The following PPP2R2B variants were observed in gnomAD, a reference collection of about 807,000 sequenced individuals.
The protein encoded by PPP2R2B is serine/threonine-protein phosphatase 2A 55 kDa regulatory subunit B beta isoform.
Under a neutral mutation model 46.0 loss-of-function variants are expected in PPP2R2B, and 5 were observed. The ratio of observed to expected loss-of-function variants is 0.11; its 90% CI spans 0.06 to 0.23. The LOEUF is 0.23. Among genes scored for constraint, PPP2R2B ranks in the 10% least tolerant of loss-of-function variants. PPP2R2B has a pLI of 1.00. For synonymous variants in PPP2R2B, 215 were observed against 206.7 expected (o/e 1.04, Z -0.34); for missense variants, 367 against 575.0 (o/e 0.64, Z 3.70).
chr5:146,693,386 T>G (rs1401318434), intron 4 of PPP2R2B, among the ~76,000 whole-genome samples: 1 of 152,090 alleles, frequency 6.6e-6, no homozygotes, highest in African/African-American at 2.4e-5. Context: ...AGAGAATTTT[T>G]CTATTTTTTA....
chr5:147,020,363 TGG>T (rs1755201932), intron 1 of PPP2R2B, among the ~76,000 whole-genome samples: 1 of 152,094 alleles, frequency 6.6e-6, no homozygotes, highest in African/African-American at 2.4e-5. Flanking sequence ...TGACTTTCAC[TGG>T]GGTAGGAAAC....
At chr5:147,009,864 T>TAC (rs201299020) in intron 1 of PPP2R2B, among the ~76,000 whole-genome samples, 6,060 of 136,592 alleles carry the variant, frequency 0.044, 164 homozygotes, top group South Asian at 0.11. Flanking sequence ...CACACACACA[T>TAC]ACACACACAC....
intron 2 of PPP2R2B, among the ~76,000 whole-genome samples, chr5:146,816,885 G>T (rs1204992270): frequency 6.6e-6 from 1 of 152,168 alleles, no homozygotes; most frequent in Non-Finnish European, 1.5e-5. Context: ...TAAAAAGACT[G>T]TCAGGTGATT....
chr5:146,731,685 T>C (rs983139822), intron 2 of PPP2R2B, among the ~76,000 whole-genome samples: 10 of 152,194 alleles, frequency 6.6e-5, no homozygotes, highest in South Asian at 4.1e-4. Flanking sequence ...AGAAAATCTT[T>C]CCACTTTTCA....
At chr5:146,796,547 A>C (rs766631340) in intron 2 of PPP2R2B, among the ~76,000 whole-genome samples, 4 of 152,312 alleles carry the variant, frequency 2.6e-5, no homozygotes, top group Non-Finnish European at 4.4e-5. Flanking sequence ...AAATAAGGCA[A>C]AATCTCTGAG....
chr5:146,834,117 TGTTA>T (rs1416682698), intron 2 of PPP2R2B, among the ~76,000 whole-genome samples: 44 of 152,318 alleles, frequency 2.9e-4, no homozygotes, highest in Non-Finnish European at 1.2e-4. Context: ...AAAGGATTCT[TGTTA>T]TTTATGATAA....
intron 5 of PPP2R2B, among the ~76,000 whole-genome samples, chr5:146,655,909 G>C (rs1776297062): frequency 7.2e-6 from 1 of 138,464 alleles, no homozygotes; most frequent in African/African-American, 2.6e-5. Flanking sequence ...GAGGTGGGGG[G>C]TAGGGAGGGG....
In PPP2R2B at chr5:146,789,720, T is replaced by C. The variant is rs1035897220; in HGVS notation, c.70+88282A>G. 2.6e-5 allele frequency among the ~76,000 whole-genome samples: 4 copies of C among 152,058 alleles called. No individual in the cohort carries two copies. The East Asian group carries it at 7.8e-4, about 29-fold the overall frequency. On this transcript the variant is annotated intron_variant, in intron 2 of 9. Transcript: ENST00000394411. ...GGAATAAAGAGGAGGTGGTATAAGA[T>C]AATGATAATGGATTGGATTTAATAT...
intron 1 of PPP2R2B, among the ~76,000 whole-genome samples, chr5:146,960,398 T>A (rs1258420979): frequency 3.3e-5 from 5 of 152,092 alleles, no homozygotes; most frequent in Non-Finnish European, 7.4e-5. Flanking sequence ...CAAGCGATTC[T>A]CCCACCTCAG....
At chr5:146,896,667 T>C (rs975408181) in intron 1 of PPP2R2B, among the ~76,000 whole-genome samples, 3 of 152,178 alleles carry the variant, frequency 2.0e-5, no homozygotes, top group Non-Finnish European at 4.4e-5. Flanking sequence ...TGTTTAATTT[T>C]TTAAGCCCAT....
intron 2 of PPP2R2B, among the ~76,000 whole-genome samples, chr5:146,703,029 C>T (rs1025182296): frequency 1.1e-4 from 16 of 152,186 alleles, no homozygotes; most frequent in Admixed American, 9.8e-4. Context: ...TTACAGTTTG[C>T]CCATCTTAGC....
At chr5:147,026,168 G>T (rs1445433763) in intron 1 of PPP2R2B, among the ~76,000 whole-genome samples, 2 of 152,018 alleles carry the variant, frequency 1.3e-5, no homozygotes, top group Non-Finnish European at 2.9e-5. Context: ...ATAAAGAATT[G>T]TCCATGAATG....
intron 2 of PPP2R2B, among the ~76,000 whole-genome samples, chr5:146,776,114 T>C (rs948830630): frequency 5.3e-5 from 8 of 152,118 alleles, no homozygotes; most frequent in Non-Finnish European, 8.8e-5. Flanking sequence ...AAAATCCTAA[T>C]GGTGTTTCTT....
intron 1 of PPP2R2B, among the ~76,000 whole-genome samples, chr5:147,014,237 C>A (rs1388624461): frequency 1.4e-5 from 2 of 144,816 alleles, no homozygotes; most frequent in Admixed American, 1.4e-4. Context: ...CAGGAAAAAA[C>A]AGGTGCTGGA....
chr5:146,846,025 A>G (rs1759982787), intron 2 of PPP2R2B, among the ~76,000 whole-genome samples: 1 of 152,194 alleles, frequency 6.6e-6, no homozygotes, highest in African/African-American at 2.4e-5. Context: ...ACATCTCATA[A>G]TTGTCATTTT....
intron 2 of PPP2R2B, among the ~76,000 whole-genome samples, chr5:146,763,014 G>A (rs181958459): frequency 6.0e-4 from 91 of 152,302 alleles, no homozygotes; most frequent in African/African-American, 2.0e-3. Flanking sequence ...CCTGTGACCC[G>A]CCTGGCTCCA....
chr5:146,902,173 A>G (rs1762856013), intron 1 of PPP2R2B, among the ~76,000 whole-genome samples: 1 of 151,998 alleles, frequency 6.6e-6, no homozygotes, highest in East Asian at 1.9e-4. Flanking sequence ...CAAAGTCACC[A>G]TTTCTTTCTA....
intron 8 of PPP2R2B, among the ~76,000 whole-genome samples, chr5:146,595,704 C>A (rs971929150): frequency 3.9e-5 from 6 of 152,136 alleles, no homozygotes; most frequent in Admixed American, 3.9e-4. Flanking sequence ...CTTAGGCAAA[C>A]CAGAGGGACC....
At chr5:146,772,883 C>A (rs995676653) in intron 2 of PPP2R2B, among the ~76,000 whole-genome samples, 24 of 152,172 alleles carry the variant, frequency 1.6e-4, no homozygotes, top group East Asian at 5.8e-4. Context: ...TAACACTAGA[C>A]TAATCCCATA....
Sources: allele counts gnomAD v4.1 joint callset (sites outside exome capture counted in the v4.1 genomes callset), GRCh38; gene constraint gnomAD v4.1.1; transcripts MANE v1.5; gene names NCBI Gene and HGNC (gene_info 2026-07-23, HGNC 2026-07-21).